SDK1: variants seen among roughly 807,000 people sequenced by gnomAD.
SDK1 encodes the protein sidekick cell adhesion molecule 1, also known as protein sidekick-1.
In SDK1, 157 loss-of-function variants were observed where a neutral mutation model predicts 245.5. The observed-to-expected ratio is 0.64, with a 90% CI of 0.56 to 0.73. The LOEUF (loss-of-function observed/expected upper bound fraction) is 0.73, where lower values mean the gene tolerates loss of function less well. SDK1 is among the 30% of genes least tolerant of loss of function. The pLI, the probability that SDK1 is intolerant of heterozygous loss-of-function variation, is 0.00. For synonymous variants in SDK1, 1,647 were observed against 1,278.5 expected, an observed-to-expected ratio of 1.29 and a Z score of -6.15; for missense variants, 3,583 against 3,002.3, an observed-to-expected ratio of 1.19 and a Z score of -4.52.
chr7:4,137,654 A>G (rs1038256075), intron 28 of SDK1, among the ~76,000 whole-genome samples: 5 of 152,196 alleles, frequency 3.3e-5, no homozygotes, highest in African/African-American at 1.2e-4. Context: ...TCATATTATC[A>G]TAATTCACCC....
chr7:4,073,434 A>G (rs1039555134), intron 20 of SDK1, among the ~76,000 whole-genome samples: 16 of 152,200 alleles, frequency 1.1e-4, no homozygotes, highest in African/African-American at 2.7e-4. Flanking sequence ...TATATTATCA[A>G]TGTTGATCCT....
intron 4 of SDK1, among the ~76,000 whole-genome samples, chr7:3,659,546 G>C (rs1027147448): frequency 2.0e-5 from 3 of 152,176 alleles, no homozygotes; most frequent in African/African-American, 7.2e-5. Context: ...GGGCCTGTGT[G>C]GTACATTCTC....
chr7:3,941,907 C>CTTTT (rs72338979), intron 5 of SDK1, among the ~76,000 whole-genome samples: 15 of 128,204 alleles, frequency 1.2e-4, no homozygotes, highest in African/African-American at 2.7e-4. Context: ...AGACTTCATT[C>CTTTT]TTTTTTTTTT....
chr7:4,217,514 A>G (rs191430642), intron 38 of SDK1, among the ~76,000 whole-genome samples: 1,821 of 29,594 alleles, frequency 0.062, 99 homozygotes, highest in African/African-American at 0.13. Context: ...GGAGCACCAC[A>G]CCACCCGGAG....
At chr7:3,538,364 G>A (rs1468892851) in intron 1 of SDK1, among the ~76,000 whole-genome samples, 1 of 151,850 alleles carries the variant, frequency 6.6e-6, no homozygotes, top group Non-Finnish European at 1.5e-5. Context: ...TTAAATCTTG[G>A]AAGGCCTTTT....
intron 1 of SDK1, among the ~76,000 whole-genome samples, chr7:3,439,724 A>T (rs1281295078): frequency 6.6e-6 from 1 of 152,260 alleles, no homozygotes; most frequent in Non-Finnish European, 1.5e-5. Context: ...CAGAAAAAAC[A>T]TTGTCATTTA....
intron 1 of SDK1, among the ~76,000 whole-genome samples, chr7:3,325,945 G>T (rs567894009): frequency 1.1e-4 from 17 of 152,196 alleles, no homozygotes. Flanking sequence ...ATCTCGCTTG[G>T]TTGTATCCAG....
At chr7:4,152,352 C>G (rs953688807) in intron 30 of SDK1, among the ~76,000 whole-genome samples, 4 of 152,116 alleles carry the variant, frequency 2.6e-5, no homozygotes, top group African/African-American at 7.2e-5. Flanking sequence ...GGCACAGCCC[C>G]GAGGGTCAGG....
intron 4 of SDK1, among the ~76,000 whole-genome samples, chr7:3,778,097 C>G (rs894726134): frequency 6.6e-6 from 1 of 152,182 alleles, no homozygotes. Flanking sequence ...CCATAAAAAT[C>G]AAGTAGAGCA....
At chr7:3,842,944 G>A (rs1201655263) in intron 5 of SDK1, among the ~76,000 whole-genome samples, 1 of 152,048 alleles carries the variant, frequency 6.6e-6, no homozygotes, top group Admixed American at 6.6e-5. Flanking sequence ...AACATGTATC[G>A]GCCAAGGAGA....
At chr7:4,077,669 G>A (rs1780782255) in intron 21 of SDK1, among the ~76,000 whole-genome samples, 1 of 152,170 alleles carries the variant, frequency 6.6e-6, no homozygotes, top group Non-Finnish European at 1.5e-5. Context: ...TGTATTACAT[G>A]GATGGCAGCA....
At chr7:3,845,169 C>T (rs1428650215) in intron 5 of SDK1, among the ~76,000 whole-genome samples, 3 of 152,012 alleles carry the variant, frequency 2.0e-5, no homozygotes, top group Non-Finnish European at 4.4e-5. Context: ...GAGGGCAGAG[C>T]CAAAATCTTA....
intron 1 of SDK1, among the ~76,000 whole-genome samples, chr7:3,423,244 T>G (rs1487145777): frequency 6.6e-6 from 1 of 152,218 alleles, no homozygotes; most frequent in African/African-American, 2.4e-5. Flanking sequence ...ATAGTTGACT[T>G]GGTTTAAATC....
intron 17 of SDK1, 86 bp downstream of exon 17, chr7:4,017,438 A>C: frequency 8.2e-7 from 1 of 1,212,428 alleles, no homozygotes; most frequent in South Asian, 1.6e-5. Context: ...CGTTAGAAAG[A>C]AAAACAGAGA....
chr7:3,862,580 A>G (rs1292323310), intron 5 of SDK1, among the ~76,000 whole-genome samples: 3 of 152,230 alleles, frequency 2.0e-5, no homozygotes, highest in East Asian at 1.9e-4. Flanking sequence ...AAAAGTGGTT[A>G]TCTGAATTAT....
intron 4 of SDK1, among the ~76,000 whole-genome samples, chr7:3,706,894 G>A (rs967038841): frequency 1.3e-5 from 2 of 152,122 alleles, no homozygotes; most frequent in Non-Finnish European, 2.9e-5. Flanking sequence ...TTTCTGTGCT[G>A]TCAGTTGTAA....
chr7:4,252,832 C>G (rs929120893), intron 44 of SDK1, among the ~76,000 whole-genome samples: 1 of 145,722 alleles, frequency 6.9e-6, no homozygotes, highest in African/African-American at 2.7e-5. Context: ...TTTCCCCCCC[C>G]CTCTTTTTTT....
intron 1 of SDK1, among the ~76,000 whole-genome samples, chr7:3,319,776 G>A (rs1779747504): frequency 6.7e-6 from 1 of 149,892 alleles, no homozygotes; most frequent in African/African-American, 2.5e-5. Context: ...AAATACATTT[G>A]AAATGTTCTG....
At chr7:3,609,211 C>T (rs1781514090) in intron 1 of SDK1, among the ~76,000 whole-genome samples, 1 of 152,122 alleles carries the variant, frequency 6.6e-6, no homozygotes, top group African/African-American at 2.4e-5. Context: ...AAATAAGTCA[C>T]ATAAACAAGA....
Sources: gnomAD v4.1 joint callset for allele counts (sites outside exome capture counted in the v4.1 genomes callset) on GRCh38, gnomAD v4.1.1 for gene constraint, MANE v1.5 for transcripts, NCBI Gene and HGNC (gene_info 2026-07-23, HGNC 2026-07-21) for gene names.